The following TRAPPC12 variants were observed in gnomAD, a reference collection of about 807,000 sequenced individuals.
TRAPPC12 encodes the protein TPR repeat protein 15.
A neutral mutation model predicts 69.2 loss-of-function variants in TRAPPC12; 61 were observed. The observed-to-expected ratio is 0.88, with a 90% confidence interval of 0.72 to 1.09. The LOEUF is 1.09. Among genes scored for constraint, TRAPPC12 ranks in the 50% least tolerant of loss-of-function variants. The pLI is 0.00. For synonymous variants in TRAPPC12, 469 were observed against 438.9 expected (o/e 1.07, Z -0.86); for missense variants, 1,101 against 1,016.4 (o/e 1.08, Z -1.13).
At chr2:3,416,460 C>G (rs1662398884) in intron 3 of TRAPPC12, among the ~76,000 whole-genome samples, 1 of 151,846 alleles carries the variant, frequency 6.6e-6, no homozygotes, top group Non-Finnish European at 1.5e-5. Context: ...AGGCCACTTC[C>G]TAGGCACACC....
At chr2:3,422,142 T>G in intron 4 of TRAPPC12, 148 bp downstream of exon 4, 1 of 684,166 alleles carries the variant, frequency 1.5e-6, no homozygotes. Flanking sequence ...TATACTATAC[T>G]GGGGCACTGG....
Position 3,388,354 on chromosome 2 carries a change from C to A in TRAPPC12, c.731C>A (p.Ala244Asp). Residue 244 changes from alanine to aspartate, a missense_variant, in exon 2 of 12, where the codon GCC (alanine) becomes GAC (aspartate). Transcript: ENST00000324266. ...SVSNPGAGSP[A>D]PASPPPLAVP... ...AGCAATCCCGGCGCGGGCTCCCCGG[C>A]CCCCGCCAGCCCGCCTCCCCTCGCT... The A allele has an allele frequency of 3.8e-6, 6 of 1,591,270 alleles. No individual in the cohort carries two copies. Among genetic ancestry groups the A allele is most frequent in the South Asian group, 2.3e-5 (2 of 87,458 alleles).
chr2:3,442,912 G>A (rs1664299722), intron 5 of TRAPPC12, among the ~76,000 whole-genome samples: 1 of 152,222 alleles, frequency 6.6e-6, no homozygotes, highest in African/African-American at 2.4e-5. Context: ...CTGAATCTAT[G>A]TGATTGCCCT....
At position 3,388,683 on chromosome 2, in the gene TRAPPC12, C is replaced by G; in HGVS notation, c.1047+13C>G. Reference sequence around the variant, plus strand: ...CGACAACATCCAGGTGAGCCCGGGTCTCCCACCTCCGCAGCCCGTGCCTCC... The same window carrying G: ...CGACAACATCCAGGTGAGCCCGGGTGTCCCACCTCCGCAGCCCGTGCCTCC... On this transcript the variant is annotated intron_variant, in intron 2 of 11. Coordinates refer to ENST00000324266, the MANE Select transcript of TRAPPC12 (RefSeq NM_016030.6). 1 of 1,524,256 alleles carries G rather than the reference C, an allele frequency of 6.6e-7. No individual in the cohort carries two copies. The highest frequency in any genetic ancestry group is 8.8e-7 in the Non-Finnish European group (1 of 1,131,672). The allele number at this position is 1,524,256 out of a possible 1,614,324, so 94.4% of individuals were successfully genotyped here.
chr2:3,452,322 G>T (rs529370921), intron 6 of TRAPPC12, among the ~76,000 whole-genome samples: 17 of 152,332 alleles, frequency 1.1e-4, no homozygotes, highest in Admixed American at 9.8e-4. Flanking sequence ...GCACGGCCGG[G>T]TCTCAGAGGT....
intron 7 of TRAPPC12, chr2:3,459,925 T>G: frequency 1.4e-4 from 52 of 375,386 alleles, no homozygotes; most frequent in East Asian, 2.8e-4. Flanking sequence ...ATGTCGTCGT[T>G]TCTGTCAGCT....
intron 5 of TRAPPC12, among the ~76,000 whole-genome samples, chr2:3,434,747 C>T (rs1378890165): frequency 6.6e-6 from 1 of 152,130 alleles, no homozygotes. Flanking sequence ...GCCTGGTGGC[C>T]GTATGTTGGC....
At chr2:3,430,376 A>C (rs956463744) in intron 5 of TRAPPC12, among the ~76,000 whole-genome samples, 12 of 152,230 alleles carry the variant, frequency 7.9e-5, no homozygotes, top group African/African-American at 2.4e-4. Context: ...AAAGATTGTC[A>C]GACTTTCACC....
chr2:3,474,660 G>C (rs117957666), intron 9 of TRAPPC12, among the ~76,000 whole-genome samples: 2,228 of 152,302 alleles, frequency 0.015, 58 homozygotes, highest in South Asian at 0.095. Flanking sequence ...TTAGTATCTG[G>C]TTTGCGTGTG....
At chr2:3,457,950 C>A (rs1410016171) in intron 7 of TRAPPC12, 1 of 1,371,624 alleles carries the variant, frequency 7.3e-7, no homozygotes, top group Non-Finnish European at 9.4e-7. Flanking sequence ...AAGCACACGG[C>A]CCGGAACCTG....
At chr2:3,400,661 G>T (rs1321920927) in intron 2 of TRAPPC12, among the ~76,000 whole-genome samples, 1 of 152,190 alleles carries the variant, frequency 6.6e-6, no homozygotes, top group African/African-American at 2.4e-5. Context: ...ACTTACCCTG[G>T]ACTCTCCCTC....
At position 3,460,310 on chromosome 2, in the gene TRAPPC12, A is replaced by G; in HGVS notation, c.1651A>G (p.Met551Val). The stretch of plus-strand genomic sequence containing the variant: ...ACGTCTGGGCCGGGTGATGTACTCC[A>G]TGGCAAACTGTCTGCTCCTGATGAA... ...RSRLGRVMYSMANCLLLMKDY... is the reference protein window; with the variant it reads ...RSRLGRVMYSVANCLLLMKDY... The change falls in exon 8 of 12, where the codon ATG becomes GTG. Residue 551 changes from methionine to valine, a missense_variant. By Grantham distance (21) the Met-to-Val change is conservative. Transcript: ENST00000324266. 1.1e-6 allele frequency: 1 copy of G among 874,256 alleles called. No homozygotes were observed. Among genetic ancestry groups the G allele is most frequent in the Non-Finnish European group, 2.0e-6 (1 of 502,878 alleles). 54.2% of individuals were successfully genotyped at this position (874,256 alleles called of 1,614,324 possible).
At chr2:3,408,113 G>A (rs1255770614) in intron 3 of TRAPPC12, among the ~76,000 whole-genome samples, 2 of 152,186 alleles carry the variant, frequency 1.3e-5, no homozygotes, top group African/African-American at 4.8e-5. Flanking sequence ...TGCTGAGGCT[G>A]TGCTCTGCCG....
intron 9 of TRAPPC12, among the ~76,000 whole-genome samples, chr2:3,475,088 A>G (rs1021119625): frequency 1.3e-5 from 2 of 151,980 alleles, no homozygotes; most frequent in African/African-American, 4.8e-5. Context: ...ATTAGTTTAT[A>G]CACTGTTTTT....
intron 9 of TRAPPC12, among the ~76,000 whole-genome samples, chr2:3,476,871 G>A (rs778471588): frequency 6.6e-5 from 10 of 152,236 alleles, no homozygotes; most frequent in Non-Finnish European, 1.5e-4. Flanking sequence ...AGAGCTCGCT[G>A]TCACATTCTG....
chr2:3,395,601 C>T (rs763944733), intron 2 of TRAPPC12, among the ~76,000 whole-genome samples: 33 of 135,164 alleles, frequency 2.4e-4, no homozygotes, highest in Middle Eastern at 0.011. Context: ...CTTGCTCTGT[C>T]GCCCAGGCTG....
At chr2:3,457,956 A>C in intron 7 of TRAPPC12, 1 of 1,357,852 alleles carries the variant, frequency 7.4e-7, no homozygotes, top group Non-Finnish European at 9.5e-7. Context: ...ACGGCCCGGA[A>C]CCTGCCACGC....
chr2:3,466,634 G>A (rs893719523), intron 9 of TRAPPC12, among the ~76,000 whole-genome samples: 1 of 152,186 alleles, frequency 6.6e-6, no homozygotes, highest in Non-Finnish European at 1.5e-5. Flanking sequence ...AGGCACACGT[G>A]CACACACCAT....
intron 6 of TRAPPC12, among the ~76,000 whole-genome samples, chr2:3,444,384 C>T (rs573137869): frequency 1.1e-4 from 17 of 152,370 alleles, no homozygotes; most frequent in African/African-American, 3.8e-4. Flanking sequence ...TTTTCGGACT[C>T]ATTCTTGGTT....
Sources: gnomAD v4.1 joint callset for allele counts (sites outside exome capture counted in the v4.1 genomes callset) on GRCh38, gnomAD v4.1.1 for gene constraint, MANE v1.5 for transcripts, NCBI Gene and HGNC (gene_info 2026-07-23, HGNC 2026-07-21) for gene names.